The following TRAPPC9 variants were observed in gnomAD, a reference collection of about 807,000 sequenced individuals.
TRAPPC9 encodes the protein IKK2 binding protein.
TRAPPC9 carries 83 observed loss-of-function variants against 124.0 expected under a neutral mutation model. The ratio of observed to expected loss-of-function variants is 0.67; its 90% confidence interval spans 0.56 to 0.80. TRAPPC9 has a LOEUF of 0.80. Among genes scored for constraint, TRAPPC9 ranks in the 30% least tolerant of loss-of-function variants. The probability of loss-of-function intolerance (pLI) is 0.00; values close to 1 mark genes in which losing one functional copy is unlikely to be tolerated. For synonymous variants in TRAPPC9, 638 were observed against 617.5 expected (o/e 1.03, Z -0.49); for missense variants, 1,302 against 1,508.3 (o/e 0.86, Z 2.27).
intron 1 of TRAPPC9, 109 bp from the exon 2 acceptor site, chr8:140,451,492 C>G: frequency 1.1e-6 from 1 of 920,082 alleles, no homozygotes; most frequent in South Asian, 1.4e-5. Context: ...AGGGGAAGCC[C>G]CAAGGAAAGC....
At chr8:139,996,265 G>C (rs1263543221) in intron 18 of TRAPPC9, among the ~76,000 whole-genome samples, 3 of 144,318 alleles carry the variant, frequency 2.1e-5, no homozygotes, top group South Asian at 2.2e-4. Context: ...AAATCAGAAA[G>C]AATATAAGAT....
intron 18 of TRAPPC9, among the ~76,000 whole-genome samples, chr8:140,016,426 A>G (rs1479623164): frequency 2.0e-5 from 3 of 152,168 alleles, no homozygotes; most frequent in Non-Finnish European, 4.4e-5. Flanking sequence ...GCTAACCCAA[A>G]TCCCTTCCCA....
At chr8:140,198,030 A>G (rs2062708845) in intron 17 of TRAPPC9, among the ~76,000 whole-genome samples, 1 of 152,210 alleles carries the variant, frequency 6.6e-6, no homozygotes, top group Non-Finnish European at 1.5e-5. Context: ...TTCTAGGGAA[A>G]CTGTCTCTGC....
Position 140,287,631 on chromosome 8 carries a change from G to A in TRAPPC9, c.1958C>T (p.Thr653Met), listed in dbSNP as rs190087909. The A allele has an allele frequency of 1.2e-4, 197 of 1,614,186 alleles. No individual in the cohort carries two copies. The highest frequency in any genetic ancestry group is 1.3e-4 in the East Asian group (6 of 44,882). Residue 653 changes from threonine (T) to methionine (M), a missense_variant, in exon 13 of 23, where the codon ACG (threonine) becomes ATG (methionine). By Grantham distance (81) the Thr-to-Met change is moderately conservative (BLOSUM62 -1). Transcript: ENST00000438773. ...YPVTLVGVPQTTGTITVNGYH... is the reference protein window; with the variant it reads ...YPVTLVGVPQMTGTITVNGYH... ...ACCGTTCACAGTAATCGTTCCAGTCGTCTGCGGGACCCCGACGAGCGTCAC... is the reference window on the plus strand; with the variant it reads ...ACCGTTCACAGTAATCGTTCCAGTCATCTGCGGGACCCCGACGAGCGTCAC...
chr8:139,766,108 G>T (rs1437488755), intron 21 of TRAPPC9, among the ~76,000 whole-genome samples: 1 of 152,250 alleles, frequency 6.6e-6, no homozygotes, highest in East Asian at 1.9e-4. Flanking sequence ...CAAGGCCTCA[G>T]GGAACCTGTC....
In TRAPPC9 at chr8:139,776,560, C is replaced by A. The variant is rs574878417; in HGVS notation, c.3056-44358G>T. Among the ~76,000 whole-genome samples, 14 of 152,312 alleles carry A rather than the reference C, an allele frequency of 9.2e-5. No homozygotes were observed. The South Asian group carries it at 1.2e-3, about 14-fold the overall frequency. On this transcript the variant is annotated intron_variant, in intron 21 of 22. Transcript: ENST00000438773. This position sits in a 1 kb window ranked among gnomAD's most constrained non-coding sequence, Gnocchi z 4.1. Reference sequence around the variant, plus strand: ...CTAATTAGGAAGGCACAGCTGACCACCCAGGCCTCATTCGCAGCTGTGTTC... The same window carrying A: ...CTAATTAGGAAGGCACAGCTGACCAACCAGGCCTCATTCGCAGCTGTGTTC...
At chr8:140,011,835 A>ATG (rs1839157828) in intron 18 of TRAPPC9, among the ~76,000 whole-genome samples, 1 of 151,294 alleles carries the variant, frequency 6.6e-6, no homozygotes, top group African/African-American at 2.4e-5. Context: ...CTGCCATCTC[A>ATG]CCCAGCTAAT....
intron 17 of TRAPPC9, chr8:140,096,863 G>A (rs1844991654): frequency 1.3e-5 from 2 of 152,270 alleles, no homozygotes; most frequent in Admixed American, 1.3e-4. Flanking sequence ...CAGAGAGGAG[G>A]ACTAGGACAG....
chr8:140,204,801 T>G (rs1014576708), intron 17 of TRAPPC9, among the ~76,000 whole-genome samples: 1 of 152,204 alleles, frequency 6.6e-6, no homozygotes, highest in Non-Finnish European at 1.5e-5. Flanking sequence ...CTCTTTTCTT[T>G]ATAAATTACC....
intron 14 of TRAPPC9, among the ~76,000 whole-genome samples, chr8:140,277,890 C>T (rs76908068): frequency 1.1e-3 from 168 of 152,254 alleles, no homozygotes; most frequent in African/African-American, 3.9e-3. Flanking sequence ...AGGTCTATGG[C>T]GATGAGACTC....
chr8:140,253,092 T>C (rs2064166357), intron 15 of TRAPPC9, among the ~76,000 whole-genome samples, 163 bp from the exon 16 acceptor site: 1 of 150,166 alleles, frequency 6.7e-6, no homozygotes, highest in Non-Finnish European at 1.5e-5. Flanking sequence ...AACCAAGAAG[T>C]GTTGCAAGGC....
chr8:140,118,638 G>C (rs117377723), intron 17 of TRAPPC9, among the ~76,000 whole-genome samples: 3 of 152,204 alleles, frequency 2.0e-5, no homozygotes, highest in Non-Finnish European at 4.4e-5. Context: ...CCACCTGCGG[G>C]TCTGGAGTTG....
intron 17 of TRAPPC9, among the ~76,000 whole-genome samples, chr8:140,089,807 T>C (rs564457830): frequency 2.6e-5 from 4 of 151,844 alleles, no homozygotes; most frequent in African/African-American, 7.2e-5. Context: ...CAGCTAGGTG[T>C]GGTGGCTCAC....
intron 17 of TRAPPC9, among the ~76,000 whole-genome samples, chr8:140,065,859 CAA>C (rs1842873097): frequency 6.6e-6 from 1 of 152,222 alleles, no homozygotes. Context: ...GCCCATGGAT[CAA>C]AGAGTCCTGG....
At chr8:140,205,611 C>A (rs2062899596) in intron 17 of TRAPPC9, among the ~76,000 whole-genome samples, 2 of 152,184 alleles carry the variant, frequency 1.3e-5, no homozygotes, top group South Asian at 4.1e-4. Flanking sequence ...TTTTAAAAAT[C>A]AAAGAGAACA....
chr8:139,930,290 C>T (rs1833060420), intron 19 of TRAPPC9, among the ~76,000 whole-genome samples: 1 of 152,134 alleles, frequency 6.6e-6, no homozygotes, highest in South Asian at 2.1e-4. Flanking sequence ...AGTGGGGCTG[C>T]GCCAGCCGGG....
intron 14 of TRAPPC9, among the ~76,000 whole-genome samples, chr8:140,276,548 C>A (rs2065130184): frequency 6.6e-6 from 1 of 152,176 alleles, no homozygotes; most frequent in African/African-American, 2.4e-5. Flanking sequence ...GCCTGTGAGC[C>A]CTCACCTGAC....
chr8:139,977,347 C>T (rs1434350984), intron 19 of TRAPPC9, among the ~76,000 whole-genome samples: 1 of 151,990 alleles, frequency 6.6e-6, no homozygotes, highest in Non-Finnish European at 1.5e-5. Context: ...TGAGGCCAGG[C>T]GTGGTGGCTC....
intron 11 of TRAPPC9, among the ~76,000 whole-genome samples, chr8:140,295,229 G>T (rs557911496): frequency 6.6e-6 from 1 of 152,314 alleles, no homozygotes; most frequent in Non-Finnish European, 1.5e-5. Context: ...ATAGCACAGG[G>T]CATATAACTG....
Sources: gnomAD v4.1 joint callset for allele counts (sites outside exome capture counted in the v4.1 genomes callset) on GRCh38, gnomAD v4.1.1 for gene constraint, Gnocchi (gnomAD v3.1) non-coding constraint, MANE v1.5 for transcripts, NCBI Gene and HGNC (gene_info 2026-07-23, HGNC 2026-07-21) for gene names.